The following TENM2 variants were observed in gnomAD, a reference collection of about 807,000 sequenced individuals.
TENM2 encodes the protein teneurin transmembrane protein 2.
TENM2 carries 52 observed loss-of-function variants against 245.2 expected under a neutral mutation model. That is an observed-to-expected ratio of 0.21 (90% CI 0.17 to 0.27). The LOEUF is 0.27. TENM2 is among the 10% of genes least tolerant of loss of function. TENM2 has a pLI of 1.00. For missense variants in TENM2, 3,046 were observed against 3,666.8 expected, an observed-to-expected ratio of 0.83 and a Z score of 4.37; for synonymous variants, 1,363 against 1,438.9, an observed-to-expected ratio of 0.95 and a Z score of 1.19.
At chr5:167,819,058 CTGTGTG>C (rs145489126) in intron 2 of TENM2, among the ~76,000 whole-genome samples, 4 of 147,590 alleles carry the variant, frequency 2.7e-5, no homozygotes, top group South Asian at 4.3e-4. Flanking sequence ...TGGTGTGTGA[CTGTGTG>C]TGTGTGTGTG....
chr5:167,033,001 C>T, the TENM2 span, among the ~76,000 whole-genome samples: 2 of 151,986 alleles, frequency 1.3e-5, no homozygotes, highest in African/African-American at 4.8e-5. Context: ...AATTATTGGA[C>T]GCAATACCAA....
At chr5:167,148,727 G>C in the TENM2 span, among the ~76,000 whole-genome samples, 5 of 152,128 alleles carry the variant, frequency 3.3e-5, no homozygotes, top group Non-Finnish European at 5.9e-5. Flanking sequence ...CTAGTATTTG[G>C]AGGGAGGAAA....
intron 2 of TENM2, among the ~76,000 whole-genome samples, chr5:167,784,440 A>G (rs776259792): frequency 3.9e-5 from 6 of 152,216 alleles, no homozygotes; most frequent in Admixed American, 1.3e-4. Context: ...TAAAGCAGGA[A>G]TAATGGTTTT....
intron 2 of TENM2, among the ~76,000 whole-genome samples, chr5:167,562,015 G>A (rs1363949872): frequency 6.6e-6 from 1 of 152,176 alleles, no homozygotes; most frequent in African/African-American, 2.4e-5. Flanking sequence ...ATGACTAAGT[G>A]AGGCAGTTAA....
At chr5:167,951,429 A>G (rs1396710696) in intron 3 of TENM2, among the ~76,000 whole-genome samples, 7 of 152,218 alleles carry the variant, frequency 4.6e-5, no homozygotes, top group African/African-American at 1.4e-4. Context: ...AAACGAAATT[A>G]TAGGCTTCAT....
At chr5:168,114,285 C>G (rs1216517131) in intron 9 of TENM2, among the ~76,000 whole-genome samples, 1 of 152,128 alleles carries the variant, frequency 6.6e-6, no homozygotes, top group African/African-American at 2.4e-5. Context: ...TGGTAAGGTA[C>G]AGGTTTGGTT....
At chr5:167,392,914 G>A (rs1761841382) in intron 2 of TENM2, among the ~76,000 whole-genome samples, 1 of 152,070 alleles carries the variant, frequency 6.6e-6, no homozygotes, top group African/African-American at 2.4e-5. Flanking sequence ...AGGAGGTCAG[G>A]AGTTCAAGAC....
the TENM2 span, among the ~76,000 whole-genome samples, chr5:167,174,310 G>GCACT: frequency 1.3e-5 from 2 of 152,276 alleles, no homozygotes; most frequent in African/African-American, 4.8e-5. Context: ...ATGCACTTAT[G>GCACT]TAGGCATGAA....
At chr5:168,237,338 G>T (rs1410814037) in intron 25 of TENM2, among the ~76,000 whole-genome samples, 1 of 151,736 alleles carries the variant, frequency 6.6e-6, no homozygotes, top group East Asian at 1.9e-4. Flanking sequence ...TTCTATTCCT[G>T]ATTTTCCACG....
intron 4 of TENM2, among the ~76,000 whole-genome samples, chr5:167,973,849 T>TGCA (rs1375461606): frequency 6.6e-6 from 1 of 151,916 alleles, no homozygotes; most frequent in Non-Finnish European, 1.5e-5. Flanking sequence ...GTCTATTCAG[T>TGCA]GTGGGATGGG....
chr5:167,876,604 T>C (rs1211200835), intron 3 of TENM2, among the ~76,000 whole-genome samples: 1 of 151,382 alleles, frequency 6.6e-6, no homozygotes, highest in Admixed American at 6.5e-5. Context: ...TTTTGTTTTC[T>C]TGTTGTTGTT....
intron 2 of TENM2, among the ~76,000 whole-genome samples, chr5:167,794,220 G>A (rs1249286253): frequency 6.6e-6 from 1 of 152,016 alleles, no homozygotes; most frequent in African/African-American, 2.4e-5. Context: ...AATGCTACAG[G>A]TGGTACACGT....
chr5:168,165,045 A>G (rs1267006954), intron 13 of TENM2: 1 of 152,156 alleles, frequency 6.6e-6, no homozygotes, highest in East Asian at 1.9e-4. Context: ...CAGTTTCCAT[A>G]ATTTATGATT....
At chr5:167,458,155 C>A (rs1211543243) in intron 2 of TENM2, among the ~76,000 whole-genome samples, 1 of 151,928 alleles carries the variant, frequency 6.6e-6, no homozygotes, top group Non-Finnish European at 1.5e-5. Context: ...AAATAAGAAA[C>A]TAAAACTGGT....
chr5:167,007,932 G>T, the TENM2 span, among the ~76,000 whole-genome samples: 1 of 152,078 alleles, frequency 6.6e-6, no homozygotes, highest in Non-Finnish European at 1.5e-5. This position sits in a 1 kb window ranked among gnomAD's most constrained non-coding sequence, Gnocchi z 4.2. Flanking sequence ...CTCTATCTGG[G>T]ATGACACTGA....
chr5:167,595,982 T>C (rs1158297190), intron 2 of TENM2, among the ~76,000 whole-genome samples: 2 of 152,212 alleles, frequency 1.3e-5, no homozygotes, highest in Non-Finnish European at 2.9e-5. Context: ...AATGTTCACA[T>C]CTACCTAAGG....
At chr5:167,892,954 A>G (rs983527681) in intron 3 of TENM2, among the ~76,000 whole-genome samples, 1 of 152,214 alleles carries the variant, frequency 6.6e-6, no homozygotes, top group Non-Finnish European at 1.5e-5. Flanking sequence ...CCACATGAAC[A>G]GTGGAATCAG....
the TENM2 span, among the ~76,000 whole-genome samples, chr5:167,276,505 T>C: frequency 1.3e-5 from 2 of 151,978 alleles, no homozygotes; most frequent in South Asian, 4.1e-4. Context: ...ATGAAATATT[T>C]GAGTTTTTTG....
chr5:167,084,327 T>TTATATATATATA, the TENM2 span, among the ~76,000 whole-genome samples: 1,145 of 23,024 alleles, frequency 0.05, 288 homozygotes, highest in Non-Finnish European at 0.09. Context: ...GCCATTTTAG[T>TTATATATATATA]TATATATATA....
Sources: allele counts gnomAD v4.1 joint callset (sites outside exome capture counted in the v4.1 genomes callset), GRCh38; gene constraint gnomAD v4.1.1; non-coding constraint Gnocchi (gnomAD v3.1); transcripts MANE v1.5; gene names NCBI Gene and HGNC (gene_info 2026-07-23, HGNC 2026-07-21).